Variants in CAMK2D observed in about 807,000 individuals in gnomAD.
CAMK2D encodes calcium/calmodulin dependent protein kinase II delta.
CAMK2D carries 37 observed loss-of-function variants against 84.0 expected under a neutral mutation model. The observed-to-expected ratio is 0.44, with a 90% CI of 0.34 to 0.58. CAMK2D has a LOEUF of 0.58. Among genes scored for constraint, CAMK2D ranks in the 20% least tolerant of loss-of-function variants. The pLI is 0.02. For missense variants in CAMK2D, 448 were observed against 652.5 expected, an observed-to-expected ratio of 0.69 and a Z score of 3.41; for synonymous variants, 202 against 212.5, an observed-to-expected ratio of 0.95 and a Z score of 0.43.
At position 113,453,360 on chromosome 4, in the gene CAMK2D, G is replaced by A. The variant is rs949104118; in HGVS notation, c.*1185C>T. The A allele has an allele frequency of 1.3e-5, 2 of 152,136 alleles. No individual in the cohort carries two copies. Among genetic ancestry groups the A allele is most frequent in the African/African-American group, 4.8e-5 (2 of 41,420 alleles). 9.4% of individuals were successfully genotyped at this position (152,136 alleles called of 1,614,324 possible). On this transcript the variant is annotated 3_prime_UTR_variant, in exon 21 of 21. Coordinates refer to ENST00000511664, the MANE Select transcript of CAMK2D (RefSeq NM_001321571.2). ...GACCCTTTCATTCCCCAAGGCGGAG[G>A]TGAGTGCGTTTGCATAAAACCCCCT...
chr4:113,613,951 A>T (rs936683629), intron 3 of CAMK2D, among the ~76,000 whole-genome samples: 2 of 152,086 alleles, frequency 1.3e-5, no homozygotes, highest in African/African-American at 4.8e-5. Context: ...GAGGGAAAAG[A>T]GTAGGAAAAT....
At chr4:113,604,358 A>G (rs2098968714) in intron 4 of CAMK2D, among the ~76,000 whole-genome samples, 1 of 151,928 alleles carries the variant, frequency 6.6e-6, no homozygotes, top group East Asian at 1.9e-4. Context: ...TAATTTTGAG[A>G]AATTAGACAC....
chr4:113,700,799 G>T (rs957758099), intron 2 of CAMK2D, among the ~76,000 whole-genome samples: 7 of 152,148 alleles, frequency 4.6e-5, no homozygotes, highest in African/African-American at 1.7e-4. Flanking sequence ...TGGAAAACTG[G>T]AGTGGGCAAA....
chr4:113,621,159 A>G (rs181192854), intron 3 of CAMK2D, among the ~76,000 whole-genome samples: 1 of 152,190 alleles, frequency 6.6e-6, no homozygotes, highest in Admixed American at 6.5e-5. Context: ...GTTTATGCAT[A>G]TGTCCTGTAT....
At position 113,759,493 on chromosome 4, in the gene CAMK2D, T is replaced by C. The variant is rs1201761337; in HGVS notation, c.66-79A>G. On this transcript the variant is annotated intron_variant, in intron 1 of 20. Transcript: ENST00000511664. ...AAAATTTATAAAATCTGAGCATTTTTATTGATTTTAGTGGATTGCCAGTGA... is the reference window on the plus strand; with the variant it reads ...AAAATTTATAAAATCTGAGCATTTTCATTGATTTTAGTGGATTGCCAGTGA... The C allele has an allele frequency of 3.4e-6, 3 of 880,212 alleles. No individual in the cohort carries two copies. In the East Asian group the frequency reaches 8.3e-5, roughly 24 times the overall value. The allele number at this position is 880,212 out of a possible 1,614,324, so 54.5% of individuals were successfully genotyped here.
chr4:113,479,982 G>T (rs1355466310), intron 16 of CAMK2D, among the ~76,000 whole-genome samples: 1 of 152,134 alleles, frequency 6.6e-6, no homozygotes, highest in Non-Finnish European at 1.5e-5. Flanking sequence ...TTGTTTTAGA[G>T]ATGGAGTCTA....
intron 2 of CAMK2D, among the ~76,000 whole-genome samples, chr4:113,677,177 C>G (rs2099321949): frequency 6.6e-6 from 1 of 152,164 alleles, no homozygotes; most frequent in African/African-American, 2.4e-5. Context: ...TTCAAGGAAG[C>G]CATTCCTAAT....
chr4:113,642,951 T>C (rs2099138246), intron 3 of CAMK2D, among the ~76,000 whole-genome samples: 1 of 152,116 alleles, frequency 6.6e-6, no homozygotes, highest in African/African-American at 2.4e-5. Context: ...TGCTAAACTA[T>C]ATCTATAAAA....
At chr4:113,491,732 G>A (rs1047668641) in intron 16 of CAMK2D, among the ~76,000 whole-genome samples, 9 of 151,998 alleles carry the variant, frequency 5.9e-5, no homozygotes, top group Admixed American at 1.3e-4. Flanking sequence ...GTTCCTCCTC[G>A]TACCTCTGGT....
chr4:113,558,063 A>AATCT (rs2098677516), intron 4 of CAMK2D, among the ~76,000 whole-genome samples: 1 of 152,274 alleles, frequency 6.6e-6, no homozygotes, highest in African/African-American at 2.4e-5. Flanking sequence ...GGAGGTGAGG[A>AATCT]ATCTGGCTGA....
intron 3 of CAMK2D, among the ~76,000 whole-genome samples, chr4:113,657,076 CT>C (rs2099204404): frequency 6.6e-6 from 1 of 152,138 alleles, no homozygotes; most frequent in South Asian, 2.1e-4. Flanking sequence ...TCTTAAAAAT[CT>C]TCCATCCACT....
chr4:113,621,750 T>G (rs1213269202), intron 3 of CAMK2D, among the ~76,000 whole-genome samples: 1 of 152,222 alleles, frequency 6.6e-6, no homozygotes, highest in South Asian at 2.1e-4. Flanking sequence ...CATACAGTCA[T>G]TAAGACAAAA....
rs1415784730 is a variant in CAMK2D at position 113,546,065 on chromosome 4, AG to A, written c.414+1578del. Among the ~76,000 whole-genome samples, 4 of 152,360 alleles carry A rather than the reference AG, an allele frequency of 2.6e-5. No homozygotes were observed. In the East Asian group the frequency reaches 7.7e-4, roughly 29 times the overall value. ...ACGATTCCACAAAAAATATCTTTAA[AG>A]TTATGGAAGAGGATTCACATTTTTT... On this transcript the variant is annotated intron_variant, in intron 6 of 20. Transcript: ENST00000511664.
chr4:113,615,623 T>C (rs1302792143), intron 3 of CAMK2D, among the ~76,000 whole-genome samples: 1 of 152,162 alleles, frequency 6.6e-6, no homozygotes, highest in Admixed American at 6.5e-5. Context: ...TGATTTTCAT[T>C]TTCCCAGTAT....
intron 8 of CAMK2D, among the ~76,000 whole-genome samples, chr4:113,524,321 C>T (rs1430009402): frequency 1.3e-5 from 2 of 152,156 alleles, no homozygotes; most frequent in African/African-American, 2.4e-5. Flanking sequence ...TCTTGGTAAT[C>T]ACCTTTCTAT....
At chr4:113,613,289 G>C (rs1414790730) in intron 3 of CAMK2D, among the ~76,000 whole-genome samples, 1 of 152,102 alleles carries the variant, frequency 6.6e-6, no homozygotes, top group African/African-American at 2.4e-5. Flanking sequence ...GCCTGGCTAG[G>C]ACCAAAATGT....
chr4:113,477,116 G>A (rs997367541), intron 16 of CAMK2D, among the ~76,000 whole-genome samples: 1 of 152,142 alleles, frequency 6.6e-6, no homozygotes, highest in East Asian at 1.9e-4. Flanking sequence ...CACTGTCTCA[G>A]TGTATTGGCC....
intron 2 of CAMK2D, among the ~76,000 whole-genome samples, chr4:113,671,789 C>G (rs1303489251): frequency 1.3e-5 from 2 of 152,152 alleles, no homozygotes; most frequent in Non-Finnish European, 2.9e-5. Flanking sequence ...AGCATATGAA[C>G]CTGAACTACA....
intron 16 of CAMK2D, among the ~76,000 whole-genome samples, chr4:113,481,066 T>C (rs1275294867): frequency 6.6e-6 from 1 of 152,224 alleles, no homozygotes; most frequent in African/African-American, 2.4e-5. Flanking sequence ...GCATCACAAA[T>C]GGACTAAGAC....
Sources: gnomAD v4.1 joint callset for allele counts (sites outside exome capture counted in the v4.1 genomes callset) on GRCh38, gnomAD v4.1.1 for gene constraint, MANE v1.5 for transcripts, NCBI Gene and HGNC (gene_info 2026-07-23, HGNC 2026-07-21) for gene names.